Variants in BRD4 observed in about 807,000 individuals in gnomAD.
BRD4 encodes the protein bromodomain containing 4.
In BRD4, 16 loss-of-function variants were observed where a neutral mutation model predicts 142.1. That is an observed-to-expected ratio of 0.11 (90% CI 0.08 to 0.17). The LOEUF (loss-of-function observed/expected upper bound fraction) is 0.17. Ranked by LOEUF, BRD4 falls within the 10% of genes least tolerant of loss-of-function variation. The pLI, the probability that BRD4 is intolerant of heterozygous loss-of-function variation, is 1.00. For synonymous variants in BRD4, 833 were observed against 707.5 expected (o/e 1.18, Z -2.82); for missense variants, 1,424 against 1,810.9 (o/e 0.79, Z 3.88).
intron 8 of BRD4, 40 bp from the exon 9 acceptor site, chr19:15,256,303 A>T: frequency 1.9e-6 from 3 of 1,588,516 alleles, no homozygotes; most frequent in Non-Finnish European, 2.6e-6. Flanking sequence ...CAGGGCTGAA[A>T]CCACCTTCCT....
rs749721654 is a variant in BRD4 at position 15,249,315 on chromosome 19, G to C, written c.2159-4553C>G. ...CCTACGTAGAGGGAGAGAGAAACCA[G>C]TGTGAGAGAAATGGTGTGGAATGTA... On this transcript the variant is annotated intron_variant, in intron 11 of 19. Coordinates refer to ENST00000679869, the MANE Select transcript of BRD4 (RefSeq NM_001379291.1). 11 of 1,613,856 alleles carry C rather than the reference G, an allele frequency of 6.8e-6. No individual in the cohort carries two copies. The African/African-American group carries it at 1.2e-4, about 18-fold the overall frequency.
chr19:15,309,338 C>CAAAAAAA (rs59956347), intron 1 of BRD4, among the ~76,000 whole-genome samples: 2 of 72,936 alleles, frequency 2.7e-5, no homozygotes, highest in African/African-American at 5.2e-5. Flanking sequence ...ACTCCACCTC[C>CAAAAAAA]AAAAAAAAAA....
At chr19:15,325,195 G>A (rs568520907) in intron 1 of BRD4, among the ~76,000 whole-genome samples, 2 of 152,362 alleles carry the variant, frequency 1.3e-5, no homozygotes, top group Admixed American at 6.5e-5. Flanking sequence ...TCTGAAAGAT[G>A]GGCCAATGAA....
chr19:15,320,223 C>A (rs1332859697), intron 1 of BRD4, among the ~76,000 whole-genome samples: 3 of 152,210 alleles, frequency 2.0e-5, no homozygotes, highest in Admixed American at 6.5e-5. Flanking sequence ...AATAATATTT[C>A]CAACAGTGAG....
intron 1 of BRD4, among the ~76,000 whole-genome samples, chr19:15,310,777 G>A (rs980101889): frequency 1.3e-5 from 2 of 151,712 alleles, no homozygotes; most frequent in Admixed American, 1.3e-4. Context: ...TTACAGGCAT[G>A]AGCCACCGTG....
At chr19:15,327,556 AAG>A (rs1423092342) in intron 1 of BRD4, among the ~76,000 whole-genome samples, 2 of 152,180 alleles carry the variant, frequency 1.3e-5, no homozygotes, top group Non-Finnish European at 2.9e-5. Flanking sequence ...AAAAGAAAAA[AAG>A]AGAAAAAAAA....
intron 1 of BRD4, chr19:15,280,409 C>G: frequency 9.8e-7 from 1 of 1,016,064 alleles, no homozygotes; most frequent in Non-Finnish European, 1.2e-6. Flanking sequence ...GGCCCATAAG[C>G]TGGGTCTTAA....
intron 1 of BRD4, among the ~76,000 whole-genome samples, chr19:15,278,636 T>G (rs539867861): frequency 8.6e-5 from 13 of 151,556 alleles, no homozygotes; most frequent in African/African-American, 3.1e-4. Context: ...ACACAGTTGT[T>G]GAGACATTGG....
chr19:15,281,011 T>C (rs2047699609), intron 1 of BRD4, among the ~76,000 whole-genome samples: 1 of 152,260 alleles, frequency 6.6e-6, no homozygotes, highest in South Asian at 2.1e-4. Flanking sequence ...CTACTTCAAA[T>C]TCCTGACAGC....
At position 15,264,654 on chromosome 19, in the gene BRD4, C is replaced by T. The variant is rs771587228; in HGVS notation, c.962G>A (p.Arg321Gln). 1.2e-6 allele frequency: 2 copies of T among 1,613,636 alleles called. No individual in the cohort carries two copies. The highest frequency in any genetic ancestry group is 1.7e-6 in the Non-Finnish European group (2 of 1,180,002). Residue 321 changes from arginine to glutamine, a missense_variant, in exon 6 of 20, where the codon CGG becomes CAG. Physicochemically the swap from Arg to Gln is conservative, Grantham distance 43 (BLOSUM62 1). This residue lies in a region of BRD4 where 86 missense variants were observed against 79.9 expected (regional missense o/e 1.08). Coordinates refer to ENST00000679869, the MANE Select transcript of BRD4 (RefSeq NM_001379291.1). Reference sequence around the variant, plus strand: ...TTTCACAGGCCGGCTGCTCTCCCGCCGCTGGCCCAGCTTGGTGGTCTTGGG... The same window carrying T: ...TTTCACAGGCCGGCTGCTCTCCCGCTGCTGGCCCAGCTTGGTGGTCTTGGG... ...PEPKTTKLGQ[R>Q]RESSRPVKPP... is the part of the protein sequence containing the mutation.
At chr19:15,291,076 T>A (rs1168368628) in intron 1 of BRD4, among the ~76,000 whole-genome samples, 1 of 152,122 alleles carries the variant, frequency 6.6e-6, no homozygotes, top group Non-Finnish European at 1.5e-5. Flanking sequence ...GACCATTGCT[T>A]ATCACCCACC....
At chr19:15,329,501 G>A (rs1185709378) in intron 1 of BRD4, among the ~76,000 whole-genome samples, 1 of 152,162 alleles carries the variant, frequency 6.6e-6, no homozygotes, top group Non-Finnish European at 1.5e-5. Context: ...AGTACTTTGG[G>A]AGGCCGAGGC....
chr19:15,282,374 T>C lies in BRD4; in HGVS notation c.-34-9241A>G, dbSNP rs567930558. ...AAATTAGGTAACAATGCCAGGTGGG[T>C]GGGCACAAAGACCCACAGAATGAAG... On this transcript the variant is annotated intron_variant, in intron 1 of 19. Transcript: ENST00000679869. Among the ~76,000 whole-genome samples the C allele has an allele frequency of 5.3e-5, 8 of 152,170 alleles. No homozygotes were observed. In the South Asian group the frequency reaches 1.7e-3, roughly 32 times the overall value.
chr19:15,241,562 G>C (rs1375317417), intron 14 of BRD4, among the ~76,000 whole-genome samples: 1 of 152,238 alleles, frequency 6.6e-6, no homozygotes, highest in Non-Finnish European at 1.5e-5. Context: ...CACGGCCAGG[G>C]ACCTGAAGTA....
chr19:15,327,138 G>T (rs1283781258), intron 1 of BRD4, among the ~76,000 whole-genome samples: 1 of 152,104 alleles, frequency 6.6e-6, no homozygotes, highest in Non-Finnish European at 1.5e-5. Context: ...CTAAGTACTA[G>T]AAACATCAAT....
chr19:15,239,294 G>C lies in BRD4; in HGVS notation c.3577-30C>G. ...AGAACAGAGAGGTTGGGGTGGGTGAGGGGTCTGCTGTGCCTAAAGGGCATA... is the reference window on the plus strand; with the variant it reads ...AGAACAGAGAGGTTGGGGTGGGTGACGGGTCTGCTGTGCCTAAAGGGCATA... On this transcript the variant is annotated intron_variant, in intron 17 of 19. Coordinates refer to ENST00000679869, the MANE Select transcript of BRD4 (RefSeq NM_001379291.1). The surrounding 1 kb of genome is among the most constrained non-coding windows in gnomAD (Gnocchi z 7.4). The C allele has an allele frequency of 6.2e-7, 1 of 1,613,348 alleles. No individual in the cohort carries two copies. Among genetic ancestry groups the C allele is most frequent in the African/African-American group, 1.3e-5 (1 of 75,036 alleles).
chr19:15,326,855 A>C (rs1356396610), intron 1 of BRD4, among the ~76,000 whole-genome samples: 2 of 152,186 alleles, frequency 1.3e-5, no homozygotes, highest in African/African-American at 4.8e-5. Flanking sequence ...GGTTTAATTG[A>C]GGTTGGTAGC....
At chr19:15,311,369 C>T (rs965720438) in intron 1 of BRD4, among the ~76,000 whole-genome samples, 1 of 152,152 alleles carries the variant, frequency 6.6e-6, no homozygotes, top group African/African-American at 2.4e-5. Flanking sequence ...TTATTCACAA[C>T]AGCCAAGAGG....
At chr19:15,312,727 G>C (rs2059494526) in intron 1 of BRD4, among the ~76,000 whole-genome samples, 1 of 151,662 alleles carries the variant, frequency 6.6e-6, no homozygotes, top group African/African-American at 2.4e-5. Flanking sequence ...CCTGAGGTCA[G>C]GAGTTCTAGA....
Sources: allele counts gnomAD v4.1 joint callset (sites outside exome capture counted in the v4.1 genomes callset), GRCh38; gene constraint gnomAD v4.1.1; regional missense constraint gnomAD v4.1.1; non-coding constraint Gnocchi (gnomAD v3.1); transcripts MANE v1.5; gene names NCBI Gene and HGNC (gene_info 2026-07-23, HGNC 2026-07-21).